UTRN: variants seen among roughly 807,000 people sequenced by gnomAD.
UTRN encodes utrophin.
UTRN carries 283 observed loss-of-function variants against 463.9 expected under a neutral mutation model. The ratio of observed to expected loss-of-function variants is 0.61; its 90% CI spans 0.55 to 0.67. The LOEUF (loss-of-function observed/expected upper bound fraction) is 0.67. Ranked by LOEUF, UTRN falls within the 30% of genes least tolerant of loss-of-function variation. The pLI is 0.00. For missense variants in UTRN, 3,922 were observed against 4,084.3 expected, an observed-to-expected ratio of 0.96 and a Z score of 1.08; for synonymous variants, 1,442 against 1,431.5, an observed-to-expected ratio of 1.01 and a Z score of -0.17.
At chr6:144,709,148 C>T (rs9321987) in intron 53 of UTRN, among the ~76,000 whole-genome samples, 60,013 of 152,094 alleles carry the variant, frequency 0.39, 16,503 homozygotes, top group African/African-American at 0.76. Flanking sequence ...CATAGTACTT[C>T]GTTGCAATTC....
intron 34 of UTRN, among the ~76,000 whole-genome samples, chr6:144,505,408 C>T (rs1415056379): frequency 6.6e-6 from 1 of 152,168 alleles, no homozygotes; most frequent in Non-Finnish European, 1.5e-5. Context: ...GAATTTCCCT[C>T]TAAACACTGC....
At chr6:144,401,919 C>G (rs1782968063) in intron 2 of UTRN, among the ~76,000 whole-genome samples, 1 of 152,128 alleles carries the variant, frequency 6.6e-6, no homozygotes, top group Non-Finnish European at 1.5e-5. Flanking sequence ...GGCAGCCCAG[C>G]AGTATAAAAG....
intron 31 of UTRN, 35 bp downstream of exon 31, chr6:144,490,234 A>G: frequency 6.4e-7 from 1 of 1,569,738 alleles, no homozygotes; most frequent in Non-Finnish European, 8.6e-7. Context: ...TTACTTTTCA[A>G]CTTGTTGGGA....
At chr6:144,666,098 C>T (rs1240235979) in intron 51 of UTRN, among the ~76,000 whole-genome samples, 5 of 152,132 alleles carry the variant, frequency 3.3e-5, no homozygotes, top group Admixed American at 1.3e-4. Flanking sequence ...GGCCAAGTCT[C>T]CCAGCTGTGC....
chr6:144,496,199 A>G (rs1353141694), intron 33 of UTRN, among the ~76,000 whole-genome samples: 1 of 152,186 alleles, frequency 6.6e-6, no homozygotes, highest in Non-Finnish European at 1.5e-5. Context: ...GTTTGATAGT[A>G]TTTTGGATCC....
intron 7 of UTRN, among the ~76,000 whole-genome samples, chr6:144,428,464 AGGTT>A (rs1237531222): frequency 7.0e-6 from 1 of 142,568 alleles, no homozygotes; most frequent in Non-Finnish European, 1.5e-5. Context: ...TTGTATCGGT[AGGTT>A]TCCCTTTACC....
At chr6:144,494,531 C>T (rs1471496422) in intron 33 of UTRN, among the ~76,000 whole-genome samples, 2 of 152,150 alleles carry the variant, frequency 1.3e-5, no homozygotes, top group East Asian at 1.9e-4. Flanking sequence ...GGGACCCGAG[C>T]GGGTTGCCAC....
At chr6:144,584,929 C>T (rs780773817) in intron 51 of UTRN, among the ~76,000 whole-genome samples, 1 of 151,978 alleles carries the variant, frequency 6.6e-6, no homozygotes, top group Non-Finnish European at 1.5e-5. Context: ...ATAAGAAAAG[C>T]TCATTCACTA....
At position 144,461,348 on chromosome 6, in the gene UTRN, A is replaced by G; in HGVS notation, c.2853+6A>G. The G allele has an allele frequency of 1.3e-6, 2 of 1,545,968 alleles. No individual in the cohort carries two copies. The highest frequency in any genetic ancestry group is 8.7e-7 in the Non-Finnish European group (1 of 1,144,242). On this transcript the variant is annotated splice_donor_region_variant and intron_variant, in intron 22 of 74. Transcript: ENST00000367545. Reference sequence around the variant, plus strand: ...AGGCCCTGCAAGAAAAAAAGGTAACATATATCTTCCATGTTAGAACTCTAG... The same window carrying G: ...AGGCCCTGCAAGAAAAAAAGGTAACGTATATCTTCCATGTTAGAACTCTAG...
intron 65 of UTRN, among the ~76,000 whole-genome samples, chr6:144,814,801 G>A (rs368601404): frequency 3.3e-5 from 5 of 152,096 alleles, no homozygotes; most frequent in African/African-American, 1.2e-4. Context: ...AATAATTATG[G>A]GATTGTCTAG....
At chr6:144,390,175 A>C (rs2114762593) in intron 2 of UTRN, among the ~76,000 whole-genome samples, 1 of 152,308 alleles carries the variant, frequency 6.6e-6, no homozygotes, top group East Asian at 1.9e-4. Context: ...ATAGAGTCTA[A>C]TTGAGAATAG....
rs541167370 is a variant in UTRN, at chr6:144,748,418, C to T, written c.8112C>T (p.Asp2704=). 15 of 1,613,910 alleles carry T rather than the reference C, an allele frequency of 9.3e-6. No homozygotes were observed. In the East Asian group the frequency reaches 2.0e-4, roughly 22 times the overall value. ...RDLQGAMDDL[D]ADMKEAESVR... is the part of the protein sequence containing the mutation. Reference sequence around the variant, plus strand: ...TGCAGGGAGCTATGGATGACCTGGACGCTGACATGAAGGAGGCAGAGTCCG... The same window carrying T: ...TGCAGGGAGCTATGGATGACCTGGATGCTGACATGAAGGAGGCAGAGTCCG... The change falls in exon 55 of 75, where the codon GAC becomes GAT. Residue 2704 remains aspartate (D), a synonymous_variant. Coordinates refer to ENST00000367545, the MANE Select transcript of UTRN (RefSeq NM_007124.3).
chr6:144,704,470 G>A lies in UTRN; in HGVS notation c.7809+4227G>A, dbSNP rs370736973. On this transcript the variant is annotated intron_variant, in intron 53 of 74. Transcript: ENST00000367545. Reference sequence around the variant, plus strand: ...ACCCTCCAGTTATCTGCTTCCTCTAGAACATGACACAGTACAGAAAGGTGT... The same window carrying A: ...ACCCTCCAGTTATCTGCTTCCTCTAAAACATGACACAGTACAGAAAGGTGT... 2.6e-5 allele frequency among the ~76,000 whole-genome samples: 4 copies of A among 152,278 alleles called. No individual in the cohort carries two copies. In the South Asian group the frequency reaches 8.3e-4, roughly 32 times the overall value.
chr6:144,339,293 G>T (rs944401542), intron 2 of UTRN, among the ~76,000 whole-genome samples: 2 of 152,144 alleles, frequency 1.3e-5, no homozygotes, highest in Non-Finnish European at 2.9e-5. Flanking sequence ...TTTAGGAGGG[G>T]TCAGAAATAT....
chr6:144,672,199 T>C (rs1305095258), intron 51 of UTRN, among the ~76,000 whole-genome samples: 1 of 152,092 alleles, frequency 6.6e-6, no homozygotes, highest in Non-Finnish European at 1.5e-5. Context: ...ATTTCCTCTT[T>C]CTCTGTCTTG....
chr6:144,652,382 A>G (rs1363873467), intron 51 of UTRN, among the ~76,000 whole-genome samples: 3 of 152,150 alleles, frequency 2.0e-5, no homozygotes, highest in Admixed American at 6.5e-5. Flanking sequence ...ATTAAACTAT[A>G]ATTTTCTTTT....
chr6:144,816,573 A>T (rs1331120950), intron 65 of UTRN, among the ~76,000 whole-genome samples: 1 of 152,100 alleles, frequency 6.6e-6, no homozygotes, highest in Non-Finnish European at 1.5e-5. Context: ...CTGTCTCTGG[A>T]TGGTCAAATA....
At chr6:144,395,039 T>C (rs1018893347) in intron 2 of UTRN, among the ~76,000 whole-genome samples, 1 of 152,172 alleles carries the variant, frequency 6.6e-6, no homozygotes, top group Non-Finnish European at 1.5e-5. Context: ...TTGCTTTTTC[T>C]TGAGATTTCT....
intron 34 of UTRN, among the ~76,000 whole-genome samples, chr6:144,510,424 A>C (rs182118856): frequency 6.6e-6 from 1 of 152,268 alleles, no homozygotes; most frequent in Non-Finnish European, 1.5e-5. Flanking sequence ...TTTTTTTGTA[A>C]TGTTTATTCA....
Sources: allele counts gnomAD v4.1 joint callset (sites outside exome capture counted in the v4.1 genomes callset), GRCh38; gene constraint gnomAD v4.1.1; transcripts MANE v1.5; gene names NCBI Gene and HGNC (gene_info 2026-07-23, HGNC 2026-07-21).